The following ZFYVE9 variants were observed in gnomAD, a reference collection of about 807,000 sequenced individuals.
ZFYVE9 encodes the protein zinc finger FYVE domain-containing protein 9.
In ZFYVE9, 43 loss-of-function variants were observed where a neutral mutation model predicts 126.7. The ratio of observed to expected loss-of-function variants is 0.34; its 90% CI spans 0.27 to 0.44. The LOEUF is 0.44. Among genes scored for constraint, ZFYVE9 ranks in the 20% least tolerant of loss-of-function variants. The pLI, the probability that ZFYVE9 is intolerant of heterozygous loss-of-function variation, is 1.00. For missense variants in ZFYVE9, 1,476 were observed against 1,697.0 expected, an observed-to-expected ratio of 0.87 and a Z score of 2.29; for synonymous variants, 521 against 597.4, an observed-to-expected ratio of 0.87 and a Z score of 1.87.
At chr1:52,304,811 A>C (rs1213305043) in intron 13 of ZFYVE9, among the ~76,000 whole-genome samples, 1 of 151,054 alleles carries the variant, frequency 6.6e-6, no homozygotes, top group African/African-American at 2.4e-5. Context: ...TTTTTTAAGG[A>C]TATTAGAAAA....
In ZFYVE9 at chr1:52,332,869, T is replaced by C. The variant is rs960662877; in HGVS notation, c.3540T>C (p.Asp1180=). 7.4e-6 allele frequency: 12 copies of C among 1,614,038 alleles called. No individual in the cohort carries two copies. Among genetic ancestry groups the C allele is most frequent in the African/African-American group, 2.7e-5 (2 of 74,912 alleles). ...ATCTTGTGTGTGTACAGAATGATGATGGAAACTATCAGACCCAGGCTATCA... is the reference window on the plus strand; with the variant it reads ...ATCTTGTGTGTGTACAGAATGATGACGGAAACTATCAGACCCAGGCTATCA... ...DSHLVCVQND[D]GNYQTQAISI... Residue 1180 remains aspartate (D), a synonymous_variant, in exon 14 of 19, where the codon GAT becomes GAC. Coordinates refer to ENST00000287727, the MANE Select transcript of ZFYVE9 (RefSeq NM_004799.4).
At chr1:52,251,885 G>T (rs1393561181) in intron 4 of ZFYVE9, among the ~76,000 whole-genome samples, 1 of 151,770 alleles carries the variant, frequency 6.6e-6, no homozygotes, top group African/African-American at 2.4e-5. Flanking sequence ...GGTTTATTCA[G>T]ATTTTCTGTT....
chr1:52,291,229 T>A (rs775528107), intron 10 of ZFYVE9, among the ~76,000 whole-genome samples: 2 of 152,190 alleles, frequency 1.3e-5, no homozygotes, highest in Non-Finnish European at 2.9e-5. Flanking sequence ...AAAGCTTCTC[T>A]GAGTTTAAAG....
intron 9 of ZFYVE9, among the ~76,000 whole-genome samples, chr1:52,279,000 A>G (rs764827293): frequency 6.6e-6 from 1 of 151,752 alleles, no homozygotes; most frequent in African/African-American, 2.4e-5. Flanking sequence ...CAGCCTCCCT[A>G]AGTGCTGGGA....
intron 1 of ZFYVE9, chr1:52,179,780 G>T: frequency 2.1e-6 from 1 of 486,598 alleles, no homozygotes. Context: ...CCTGTGGATA[G>T]GCTAAATAAA....
At chr1:52,291,904 A>G (rs1052117393) in intron 10 of ZFYVE9, among the ~76,000 whole-genome samples, 3 of 151,572 alleles carry the variant, frequency 2.0e-5, no homozygotes, top group Non-Finnish European at 4.4e-5. Flanking sequence ...AAAAAAAAAA[A>G]AAGAGAAACC....
At chr1:52,214,315 T>C (rs1196245270) in intron 1 of ZFYVE9, among the ~76,000 whole-genome samples, 1 of 152,060 alleles carries the variant, frequency 6.6e-6, no homozygotes, top group African/African-American at 2.4e-5. Flanking sequence ...TAATCCCAGC[T>C]ACTCAGGAGG....
chr1:52,174,825 A>G (rs1644608928), intron 1 of ZFYVE9, among the ~76,000 whole-genome samples: 1 of 151,768 alleles, frequency 6.6e-6, no homozygotes, highest in Non-Finnish European at 1.5e-5. Flanking sequence ...TAGGATTGCA[A>G]CCCCTGCCTT....
At chr1:52,272,646 G>GAATGA (rs1159779362) in intron 7 of ZFYVE9, among the ~76,000 whole-genome samples, 1 of 148,980 alleles carries the variant, frequency 6.7e-6, no homozygotes, top group Non-Finnish European at 1.5e-5. Context: ...TGGCTATTAT[G>GAATGA]AATGAAATGA....
chr1:52,242,136 A>G (rs989958198), intron 4 of ZFYVE9, among the ~76,000 whole-genome samples: 2 of 150,686 alleles, frequency 1.3e-5, no homozygotes, highest in African/African-American at 2.5e-5. Flanking sequence ...GGCTCAGGCA[A>G]TTCTCCTGCC....
At chr1:52,326,890 A>G (rs556137585) in intron 13 of ZFYVE9, among the ~76,000 whole-genome samples, 6 of 151,680 alleles carry the variant, frequency 4.0e-5, no homozygotes, top group Middle Eastern at 3.4e-3. Flanking sequence ...AAGGCCGGGC[A>G]CAGTGGCTCA....
chr1:52,166,882 C>T (rs1030106917), intron 1 of ZFYVE9, among the ~76,000 whole-genome samples: 2 of 152,118 alleles, frequency 1.3e-5, no homozygotes, highest in Non-Finnish European at 2.9e-5. Context: ...GCCTGGGTGA[C>T]ACCAGATCTT....
intron 8 of ZFYVE9, among the ~76,000 whole-genome samples, chr1:52,277,451 A>G (rs1396069200): frequency 6.6e-6 from 1 of 152,188 alleles, no homozygotes; most frequent in Non-Finnish European, 1.5e-5. Flanking sequence ...CTTAAACTAT[A>G]TTACAGTCTC....
intron 4 of ZFYVE9, among the ~76,000 whole-genome samples, chr1:52,258,907 T>A (rs1645550559): frequency 1.3e-5 from 2 of 152,040 alleles, no homozygotes; most frequent in South Asian, 4.1e-4. Context: ...TTTTTTTTTT[T>A]AAGATACTTT....
intron 9 of ZFYVE9, among the ~76,000 whole-genome samples, chr1:52,279,761 G>A (rs528014253): frequency 4.6e-4 from 70 of 152,190 alleles, no homozygotes; most frequent in Non-Finnish European, 7.6e-4. Flanking sequence ...GAGCCACTGC[G>A]CCAGCTAGTA....
intron 1 of ZFYVE9, chr1:52,163,068 T>G: frequency 4.7e-6 from 1 of 214,308 alleles, no homozygotes; most frequent in Non-Finnish European, 9.0e-6. Flanking sequence ...CATTCTTGAG[T>G]TTTTCACTTT....
intron 1 of ZFYVE9, among the ~76,000 whole-genome samples, chr1:52,174,441 G>A (rs1315036671): frequency 1.3e-5 from 2 of 152,132 alleles, no homozygotes; most frequent in Non-Finnish European, 2.9e-5. Context: ...GTCAATTTTG[G>A]AATAGGTGTG....
intron 1 of ZFYVE9, among the ~76,000 whole-genome samples, chr1:52,214,174 C>G (rs558007073): frequency 6.6e-6 from 1 of 152,274 alleles, no homozygotes; most frequent in African/African-American, 2.4e-5. Flanking sequence ...TGCCTGTAAT[C>G]CCAGCACTTT....
chr1:52,344,264 G>C (rs1259230366), intron 17 of ZFYVE9, among the ~76,000 whole-genome samples: 1 of 152,104 alleles, frequency 6.6e-6, no homozygotes, highest in African/African-American at 2.4e-5. Flanking sequence ...GCAATAAAAG[G>C]CTCAGATGCC....
Sources: allele counts gnomAD v4.1 joint callset (sites outside exome capture counted in the v4.1 genomes callset), GRCh38; gene constraint gnomAD v4.1.1; transcripts MANE v1.5; gene names NCBI Gene and HGNC (gene_info 2026-07-23, HGNC 2026-07-21).